TRHR: variants seen among roughly 807,000 people sequenced by gnomAD.
The protein encoded by TRHR is thyrotropin releasing hormone receptor.
Under a neutral mutation model 28.0 loss-of-function variants are expected in TRHR, and 14 were observed. The observed-to-expected ratio is 0.50, with a 90% CI of 0.33 to 0.78. The LOEUF (loss-of-function observed/expected upper bound fraction) is 0.78, where lower values mean the gene tolerates loss of function less well. Among genes scored for constraint, TRHR ranks in the 30% least tolerant of loss-of-function variants. TRHR has a pLI of 0.02. For synonymous variants in TRHR, 176 were observed against 171.9 expected (o/e 1.02, Z -0.18); for missense variants, 438 against 469.5 (o/e 0.93, Z 0.62).
chr8:109,106,555 T>C (rs1265228642), intron 2 of TRHR, among the ~76,000 whole-genome samples: 1 of 152,168 alleles, frequency 6.6e-6, no homozygotes, highest in Non-Finnish European at 1.5e-5. Context: ...TTCTTCACTG[T>C]AATTGCATGC....
chr8:109,092,941 TC>T (rs984589550), intron 2 of TRHR, among the ~76,000 whole-genome samples: 1 of 151,612 alleles, frequency 6.6e-6, no homozygotes, highest in African/African-American at 2.4e-5. Context: ...TTTCACTGGA[TC>T]TTTTTTTTTT....
intron 2 of TRHR, among the ~76,000 whole-genome samples, chr8:109,099,372 C>T (rs914344411): frequency 2.6e-5 from 4 of 152,142 alleles, no homozygotes; most frequent in Non-Finnish European, 4.4e-5. Context: ...ATAAAAGGAC[C>T]TATTTTCTCC....
chr8:109,102,959 A>T (rs547856548), intron 2 of TRHR, among the ~76,000 whole-genome samples: 1 of 152,218 alleles, frequency 6.6e-6, no homozygotes, highest in East Asian at 1.9e-4. Flanking sequence ...CCAGGGACAC[A>T]CCCAAAACAG....
rs751482590 is a variant in TRHR, at chr8:109,120,419, A to G, written c.*964A>G. 2.6e-5 allele frequency among the ~76,000 whole-genome samples: 4 copies of G among 151,794 alleles called. No individual in the cohort carries two copies. Among genetic ancestry groups the G allele is most frequent in the Non-Finnish European group, 5.9e-5 (4 of 67,840 alleles). Reference sequence around the variant, plus strand: ...TAGCTGAAAAGTCTGAAACATTCTTAAAAGCTTTGTTGTTATTCTAAGTCA... The same window carrying G: ...TAGCTGAAAAGTCTGAAACATTCTTGAAAGCTTTGTTGTTATTCTAAGTCA... On this transcript the variant is annotated 3_prime_UTR_variant, in exon 3 of 3. Coordinates refer to ENST00000518632, the MANE Select transcript of TRHR (RefSeq NM_003301.7).
At chr8:109,116,427 G>A (rs1811922519) in intron 2 of TRHR, among the ~76,000 whole-genome samples, 1 of 152,036 alleles carries the variant, frequency 6.6e-6, no homozygotes, top group Non-Finnish European at 1.5e-5. Flanking sequence ...GAATCCTTCT[G>A]CTCCTGGACT....
At position 109,088,041 on chromosome 8, in the gene TRHR, A is replaced by G; in HGVS notation, c.529A>G (p.Ile177Val). 6.2e-7 allele frequency: 1 copy of G among 1,614,068 alleles called. No individual in the cohort carries two copies. Among genetic ancestry groups the G allele is most frequent in the Non-Finnish European group, 8.5e-7 (1 of 1,180,026 alleles). Residue 177 changes from isoleucine (I) to valine (V), a missense_variant, in exon 2 of 3, where the codon ATA (isoleucine) becomes GTA (valine). Physicochemically the swap from Ile to Val is conservative, Grantham distance 29 (BLOSUM62 3). Transcript: ENST00000518632. ...TAGCACCTACAAAGATGCTATTGTG[A>G]TATCCTGTGGCTACAAGATCTCCAG... Reference protein sequence around the residue: ...NISTYKDAIVISCGYKISRNY... With the variant: ...NISTYKDAIVVSCGYKISRNY...
At chr8:109,096,353 A>G (rs771632153) in intron 2 of TRHR, among the ~76,000 whole-genome samples, 33 of 152,160 alleles carry the variant, frequency 2.2e-4, no homozygotes, top group Non-Finnish European at 3.8e-4. Context: ...TGCATTCCTA[A>G]CTACATATAT....
chr8:109,113,266 T>C (rs748082424), intron 2 of TRHR, among the ~76,000 whole-genome samples: 33 of 152,252 alleles, frequency 2.2e-4, no homozygotes, highest in Admixed American at 1.2e-3. Flanking sequence ...GGCAAGCCTG[T>C]TTGGAGCAGG....
At chr8:109,094,450 A>T (rs1397552269) in intron 2 of TRHR, among the ~76,000 whole-genome samples, 1 of 151,944 alleles carries the variant, frequency 6.6e-6, no homozygotes, top group Non-Finnish European at 1.5e-5. Flanking sequence ...ATTTATTCCA[A>T]TGTCTGGGTT....
At chr8:109,107,977 T>C (rs1811775666) in intron 2 of TRHR, among the ~76,000 whole-genome samples, 1 of 152,138 alleles carries the variant, frequency 6.6e-6, no homozygotes, top group South Asian at 2.1e-4. Context: ...AAGGTTGAAT[T>C]CATGGTTTGC....
intron 2 of TRHR, among the ~76,000 whole-genome samples, chr8:109,104,307 T>A (rs1811719687): frequency 6.6e-6 from 1 of 152,144 alleles, no homozygotes; most frequent in Admixed American, 6.6e-5. Context: ...ACCAAAAATT[T>A]ATCATAAAGA....
intron 2 of TRHR, among the ~76,000 whole-genome samples, chr8:109,114,058 T>C (rs1811879333): frequency 1.3e-5 from 2 of 152,056 alleles, no homozygotes; most frequent in Non-Finnish European, 2.9e-5. Flanking sequence ...CAAAAGGGCG[T>C]GTTGAGAAGG....
At chr8:109,118,327 A>G (rs1811950189) in intron 2 of TRHR, among the ~76,000 whole-genome samples, 1 of 151,924 alleles carries the variant, frequency 6.6e-6, no homozygotes, top group Admixed American at 6.6e-5. Flanking sequence ...ACATTCAATA[A>G]ACACTGACTT....
chr8:109,087,454 C>A lies in TRHR; in HGVS notation c.-59C>A. 1 of 1,585,274 alleles carries A rather than the reference C, an allele frequency of 6.3e-7. No homozygotes were observed. The highest frequency in any genetic ancestry group is 8.6e-7 in the Non-Finnish European group (1 of 1,158,218). ...ATGGAACTGCTGCAATAAAGGTGGG[C>A]GCTGGAAAGAAGATGTTTTGAGAAG... On this transcript the variant is annotated 5_prime_UTR_variant, in exon 2 of 3. Transcript: ENST00000518632.
chr8:109,116,896 T>A (rs1327648230), intron 2 of TRHR, among the ~76,000 whole-genome samples: 1 of 151,966 alleles, frequency 6.6e-6, no homozygotes, highest in Non-Finnish European at 1.5e-5. Flanking sequence ...ATGAAATGTT[T>A]GGGAATGATG....
chr8:109,089,121 G>A (rs1166354285), intron 2 of TRHR, among the ~76,000 whole-genome samples: 2 of 151,918 alleles, frequency 1.3e-5, no homozygotes, highest in African/African-American at 4.8e-5. Context: ...AATGATATAG[G>A]AATAAAATAC....
chr8:109,104,980 A>G (rs1811727803), intron 2 of TRHR, among the ~76,000 whole-genome samples: 1 of 152,072 alleles, frequency 6.6e-6, no homozygotes, highest in Non-Finnish European at 1.5e-5. Flanking sequence ...AATGCAACAG[A>G]CTACATGTCT....
chr8:109,110,608 G>A (rs904990103), intron 2 of TRHR, among the ~76,000 whole-genome samples: 3 of 152,146 alleles, frequency 2.0e-5, no homozygotes, highest in African/African-American at 7.2e-5. Flanking sequence ...GACAAGCGAA[G>A]TCAAGAACCT....
intron 2 of TRHR, among the ~76,000 whole-genome samples, chr8:109,116,634 G>A (rs1477299528): frequency 6.6e-6 from 1 of 151,966 alleles, no homozygotes; most frequent in Non-Finnish European, 1.5e-5. Context: ...TATTTCTGTG[G>A]GATCAGTGGT....
Sources: allele counts gnomAD v4.1 joint callset (sites outside exome capture counted in the v4.1 genomes callset), GRCh38; gene constraint gnomAD v4.1.1; transcripts MANE v1.5; gene names NCBI Gene and HGNC (gene_info 2026-07-23, HGNC 2026-07-21).